The following DSC3 variants were observed in gnomAD, a reference collection of about 807,000 sequenced individuals.
DSC3 encodes the protein desmocollin 3.
Under a neutral mutation model 89.5 loss-of-function variants are expected in DSC3, and 97 were observed. The ratio of observed to expected loss-of-function variants is 1.08; its 90% CI spans 0.92 to 1.28. The LOEUF is 1.28. Ranked by LOEUF, DSC3 falls within the 50% of genes most tolerant of loss-of-function variation. The pLI is 0.00. For missense variants in DSC3, 1,199 were observed against 1,085.3 expected, an observed-to-expected ratio of 1.10 and a Z score of -1.47; for synonymous variants, 436 against 384.1, an observed-to-expected ratio of 1.14 and a Z score of -1.58.
chr18:31,006,888 A>G lies in DSC3; in HGVS notation c.1888+19T>C, dbSNP rs1476618278. On this transcript the variant is annotated intron_variant, in intron 12 of 15. Coordinates refer to ENST00000360428, the MANE Select transcript of DSC3 (RefSeq NM_001941.5). Reference sequence around the variant, plus strand: ...TCTGTTATTTCAGAGTTTATAAATCATTATTTTTTATTAAATACCATTAAC... The same window carrying G: ...TCTGTTATTTCAGAGTTTATAAATCGTTATTTTTTATTAAATACCATTAAC... 6.4e-7 allele frequency: 1 copy of G among 1,556,506 alleles called. No individual in the cohort carries two copies. The highest frequency in any genetic ancestry group is 8.8e-7 in the Non-Finnish European group (1 of 1,134,002).
intron 13 of DSC3, 70 bp from the exon 14 acceptor site, chr18:31,001,809 C>A (rs1984674738): frequency 8.0e-7 from 1 of 1,250,562 alleles, no homozygotes; most frequent in Non-Finnish European, 1.1e-6. Flanking sequence ...TCATTTATTT[C>A]TTACGACCTA....
At position 30,993,493 on chromosome 18, in the gene DSC3, A is replaced by G. The variant is rs1258322364; in HGVS notation, c.*682T>C. 1 of 152,200 alleles carries G rather than the reference A, an allele frequency of 6.6e-6. No homozygotes were observed. The highest frequency in any genetic ancestry group is 2.4e-5 in the African/African-American group (1 of 41,446). The allele number at this position is 152,200 out of a possible 1,614,324, so 9.4% of individuals were successfully genotyped here. On this transcript the variant is annotated 3_prime_UTR_variant, in exon 16 of 16. Transcript: ENST00000360428. The stretch of plus-strand genomic sequence containing the variant: ...GCCTAGGAAGCTCTCTCTTTTTTCT[A>G]TTGTAGGACAAACTATACCCCAGCC...
intron 1 of DSC3, among the ~76,000 whole-genome samples, chr18:31,039,185 T>C (rs1325390787): frequency 6.6e-6 from 1 of 152,116 alleles, no homozygotes; most frequent in Non-Finnish European, 1.5e-5. Flanking sequence ...TTTTGTTGCA[T>C]TTTATAGTAC....
chr18:30,992,776 C>T lies in DSC3; in HGVS notation c.*1399G>A, dbSNP rs1406143223. ...TTAAAATTTCTCTGGAGAAAGCAAACTGATTAAAAATTAATTCACGCTGAA... is the reference window on the plus strand; with the variant it reads ...TTAAAATTTCTCTGGAGAAAGCAAATTGATTAAAAATTAATTCACGCTGAA... On this transcript the variant is annotated 3_prime_UTR_variant, in exon 16 of 16. Transcript: ENST00000360428. 6.6e-6 allele frequency: 1 copy of T among 152,184 alleles called. No homozygotes were observed. The highest frequency in any genetic ancestry group is 1.9e-4 in the East Asian group (1 of 5,200). 9.4% of individuals were successfully genotyped at this position (152,184 alleles called of 1,614,324 possible).
At chr18:31,016,365 A>G (rs1985237206) in intron 9 of DSC3, among the ~76,000 whole-genome samples, 2 of 152,002 alleles carry the variant, frequency 1.3e-5, no homozygotes, top group African/African-American at 4.8e-5. Flanking sequence ...GAAGCCAGGA[A>G]CCCTCTGGGC....
chr18:31,016,114 C>T (rs973732637), intron 9 of DSC3, among the ~76,000 whole-genome samples: 3 of 152,118 alleles, frequency 2.0e-5, no homozygotes, highest in Admixed American at 1.3e-4. Flanking sequence ...GGGGAGAAAC[C>T]CTCAGTTCCA....
At chr18:31,011,731 G>A (rs371245460) in intron 9 of DSC3, among the ~76,000 whole-genome samples, 94 of 152,012 alleles carry the variant, frequency 6.2e-4, no homozygotes, top group African/African-American at 2.2e-3. Context: ...GGTGGCTCAC[G>A]TCTGTAATCC....
intron 1 of DSC3, among the ~76,000 whole-genome samples, chr18:31,039,651 C>T (rs574960231): frequency 4.2e-4 from 64 of 152,236 alleles, no homozygotes; most frequent in African/African-American, 1.5e-3. Context: ...AGCTATCATA[C>T]TTTCAGCGGA....
At chr18:31,030,316 C>A (rs1985737638) in intron 3 of DSC3, among the ~76,000 whole-genome samples, 1 of 152,148 alleles carries the variant, frequency 6.6e-6, no homozygotes, top group Non-Finnish European at 1.5e-5. Flanking sequence ...CATTTTATTT[C>A]ATAAGAATTA....
At position 31,022,351 on chromosome 18, in the gene DSC3, A is replaced by G. The variant is rs774649062; in HGVS notation, c.927T>C (p.His309=). 4 of 1,613,932 alleles carry G rather than the reference A, an allele frequency of 2.5e-6. No homozygotes were observed. Among genetic ancestry groups the G allele is most frequent in the Admixed American group, 3.3e-5 (2 of 59,998 alleles). The change falls in exon 7 of 16, where the codon CAT becomes CAC. Residue 309 remains histidine (H), a synonymous_variant. Coordinates refer to ENST00000360428, the MANE Select transcript of DSC3 (RefSeq NM_001941.5). ...TGTGAGCTACCTCTCTGTCCAAATA[A>G]TGAGAGACTGTGGTGATTACGCCTG... ...PSTGVITTVS[H]YLDREVVDKY...
Position 30,991,223 on chromosome 18 carries a change from C to A in DSC3, c.*2952G>T, listed in dbSNP as rs1984230278. 1 of 152,538 alleles carries A rather than the reference C, an allele frequency of 6.6e-6. No individual in the cohort carries two copies. Among genetic ancestry groups the A allele is most frequent in the African/African-American group, 2.4e-5 (1 of 41,414 alleles). The allele number at this position is 152,538 out of a possible 1,614,324, so 9.4% of individuals were successfully genotyped here. On this transcript the variant is annotated 3_prime_UTR_variant, in exon 16 of 16. Transcript: ENST00000360428. Reference sequence around the variant, plus strand: ...TGTTTAAAACATTGCAAAACAAACCCCACTGCATTTTAGACAGCTGCTTCC... The same window carrying A: ...TGTTTAAAACATTGCAAAACAAACCACACTGCATTTTAGACAGCTGCTTCC...
rs985846080 is a variant in DSC3, at chr18:30,993,469, C to T, written c.*706G>A. Reference sequence around the variant, plus strand: ...ATAATGCAGCATTTAAGAGCCCAGGCCTAGGAAGCTCTCTCTTTTTTCTAT... The same window carrying T: ...ATAATGCAGCATTTAAGAGCCCAGGTCTAGGAAGCTCTCTCTTTTTTCTAT... On this transcript the variant is annotated 3_prime_UTR_variant, in exon 16 of 16. Transcript: ENST00000360428. The T allele has an allele frequency of 2.0e-5, 3 of 152,306 alleles. No homozygotes were observed. The highest frequency in any genetic ancestry group is 1.9e-4 in the East Asian group (1 of 5,186). The allele number at this position is 152,306 out of a possible 1,614,324, so 9.4% of individuals were successfully genotyped here. A position where few individuals can be genotyped will look rare whatever the true frequency, so the allele number is the denominator to read the frequency against.
chr18:31,000,128 T>G (rs944478157), intron 14 of DSC3, among the ~76,000 whole-genome samples: 5 of 152,054 alleles, frequency 3.3e-5, no homozygotes, highest in Non-Finnish European at 7.4e-5. Flanking sequence ...CATGGTGGTG[T>G]GGAGGAGTTG....
chr18:31,037,943 T>G (rs1354573444), intron 1 of DSC3, among the ~76,000 whole-genome samples: 1 of 152,136 alleles, frequency 6.6e-6, no homozygotes, highest in African/African-American at 2.4e-5. Context: ...GTGCTATGAA[T>G]TCTATGAATT....
chr18:31,007,938 A>G, intron 11 of DSC3, 78 bp downstream of exon 11: 1 of 1,348,162 alleles, frequency 7.4e-7, no homozygotes, highest in Non-Finnish European at 1.0e-6. Flanking sequence ...CTTACCACCA[A>G]AATAAATCTG....
intron 4 of DSC3, 32 bp from the exon 5 acceptor site, chr18:31,025,947 T>A: frequency 1.3e-6 from 2 of 1,586,880 alleles, no homozygotes; most frequent in South Asian, 2.2e-5. Flanking sequence ...GCAAAAAAAT[T>A]AAAACTAAAT....
Position 31,002,633 on chromosome 18 carries a change from G to C in DSC3, c.2114-894C>G, listed in dbSNP as rs531664887. Among the ~76,000 whole-genome samples, 12 of 150,288 alleles carry C rather than the reference G, an allele frequency of 8.0e-5. No individual in the cohort carries two copies. The East Asian group carries it at 2.2e-3, about 27-fold the overall frequency. On this transcript the variant is annotated intron_variant, in intron 13 of 15. Coordinates refer to ENST00000360428, the MANE Select transcript of DSC3 (RefSeq NM_001941.5). ...GAGAATCACTTGAATCTGGGAGGCA[G>C]AGGTTGCAGTGAGCCAAGATCTTGC... is the stretch of plus-strand genomic sequence containing the variant.
chr18:31,022,443 G>T lies in DSC3; in HGVS notation c.835C>A (p.Arg279Ser). The change falls in exon 7 of 16, where the codon CGC becomes AGC. Residue 279 changes from arginine (R) to serine (S), a missense_variant. Arg to Ser is a moderately radical substitution (Grantham distance 110). Coordinates refer to ENST00000360428, the MANE Select transcript of DSC3 (RefSeq NM_001941.5). ...DRDEPDTMHT[R>S]LKYSILQQTP... ...TGCTGCAAAATGCTGTATTTCAGGC[G>T]CGTATGCATTGTGTCCGGTTCATCT... 6.2e-7 allele frequency: 1 copy of T among 1,614,008 alleles called. No homozygotes were observed. Among genetic ancestry groups the T allele is most frequent in the Non-Finnish European group, 8.5e-7 (1 of 1,179,974 alleles).
rs1984865406 is a variant in DSC3 at position 31,006,945 on chromosome 18, G to A, written c.1850C>T (p.Pro617Leu). The A allele has an allele frequency of 1.2e-6, 2 of 1,613,650 alleles. No homozygotes were observed. Among genetic ancestry groups the A allele is most frequent in the South Asian group, 2.2e-5 (2 of 91,062 alleles). ...GAGGCTCCACAGTCTACTGATTTCT[G>A]GAGAAGTATTGGGCAAACTGAAATA... ...PFYFSLPNTSPEISRLWSLTK... is the reference protein window; with the variant it reads ...PFYFSLPNTSLEISRLWSLTK... The change falls in exon 12 of 16, where the codon CCA becomes CTA. Residue 617 changes from proline (P) to leucine (L), a missense_variant. Physicochemically the swap from Pro to Leu is moderately conservative, Grantham distance 98. Transcript: ENST00000360428.
Sources: gnomAD v4.1 joint callset for allele counts (sites outside exome capture counted in the v4.1 genomes callset) on GRCh38, gnomAD v4.1.1 for gene constraint, MANE v1.5 for transcripts, NCBI Gene and HGNC (gene_info 2026-07-23, HGNC 2026-07-21) for gene names.